Variants in SYT1 observed in about 807,000 individuals in gnomAD.
SYT1 encodes the protein synaptotagmin 1, also known as synaptotagmin-1.
A neutral mutation model predicts 44.8 loss-of-function variants in SYT1; 8 were observed. That is an observed-to-expected ratio of 0.18 (90% confidence interval 0.10 to 0.32). The LOEUF is 0.32. Among genes scored for constraint, SYT1 ranks in the 10% least tolerant of loss-of-function variants. The probability of loss-of-function intolerance (pLI) is 1.00; values close to 1 mark genes in which losing one functional copy is unlikely to be tolerated. For missense variants in SYT1, 286 were observed against 509.3 expected (o/e 0.56, Z 4.22); for synonymous variants, 154 against 188.8 (o/e 0.82, Z 1.51).
chr12:79,104,433 TA>T (rs1878603197), intron 3 of SYT1, among the ~76,000 whole-genome samples: 1 of 152,034 alleles, frequency 6.6e-6, no homozygotes, highest in Admixed American at 6.6e-5. Context: ...TACAAAATCC[TA>T]AGGCAATTTA....
In SYT1 at chr12:79,082,182, C is replaced by T. The variant is rs113513476; in HGVS notation, c.-18+34820C>T. Among the ~76,000 whole-genome samples, 306 of 152,130 alleles carry T rather than the reference C, an allele frequency of 2.0e-3. 4 individuals are homozygous for T. Among genetic ancestry groups the T allele is most frequent in the Middle Eastern group, 0.017 (5 of 294 alleles). The stretch of plus-strand genomic sequence containing the variant: ...CTTTCTTAGAGAGGAAGTTATATAG[C>T]CTTTTTTCAGAGTTTTGTCATTTTT... On this transcript the variant is annotated intron_variant, in intron 3 of 10. Coordinates refer to ENST00000261205, the MANE Select transcript of SYT1 (RefSeq NM_005639.3).
intron 2 of SYT1, among the ~76,000 whole-genome samples, chr12:79,019,094 T>G (rs1872007599): frequency 6.6e-6 from 1 of 151,990 alleles, no homozygotes; most frequent in East Asian, 1.9e-4. Context: ...ATCTTGTTTC[T>G]CTCCTTTATT....
chr12:79,329,025 C>T (rs1364908727), intron 8 of SYT1, among the ~76,000 whole-genome samples: 1 of 152,130 alleles, frequency 6.6e-6, no homozygotes, highest in Non-Finnish European at 1.5e-5. Context: ...TTCAACACAT[C>T]CCAGTTAGCA....
intron 2 of SYT1, among the ~76,000 whole-genome samples, chr12:79,025,345 G>A (rs767652717): frequency 1.3e-5 from 2 of 151,746 alleles, no homozygotes; most frequent in Non-Finnish European, 2.9e-5. Context: ...CAAAGCCAAA[G>A]CTATAATGAC....
rs534026090 is a variant in SYT1, at chr12:79,145,747, T to G, written c.-17-71756T>G. On this transcript the variant is annotated intron_variant, in intron 3 of 10. Coordinates refer to ENST00000261205, the MANE Select transcript of SYT1 (RefSeq NM_005639.3). ...GATTTAAACATAGTGGTTTTTTTTT[T>G]TTTTTGTTTGTTTGTTTGTTTGTTT... Among the ~76,000 whole-genome samples, 540 of 130,144 alleles carry G rather than the reference T, an allele frequency of 4.1e-3. 8 individuals carry two copies. Among genetic ancestry groups the G allele is most frequent in the African/African-American group, 0.016 (524 of 32,970 alleles). The allele number at this position is 130,144 out of a possible 152,430, so 85.4% of individuals were successfully genotyped here.
intron 4 of SYT1, among the ~76,000 whole-genome samples, chr12:79,278,980 C>T (rs1878893643): frequency 6.7e-6 from 1 of 149,098 alleles, no homozygotes; most frequent in African/African-American, 2.5e-5. Flanking sequence ...CTTGAACAGA[C>T]CAATAACAAG....
chr12:79,096,372 G>A (rs928531790), intron 3 of SYT1, among the ~76,000 whole-genome samples: 2 of 151,948 alleles, frequency 1.3e-5, no homozygotes, highest in African/African-American at 4.8e-5. Context: ...TGCCAAAGAG[G>A]TACACTCTGA....
intron 4 of SYT1, among the ~76,000 whole-genome samples, chr12:79,248,104 A>C (rs1255270123): frequency 6.6e-6 from 1 of 152,224 alleles, no homozygotes; most frequent in African/African-American, 2.4e-5. Context: ...CTTCCTTAGG[A>C]TGCCCCACAT....
chr12:79,226,899 C>T (rs947483266), intron 4 of SYT1, among the ~76,000 whole-genome samples: 1 of 152,098 alleles, frequency 6.6e-6, no homozygotes, highest in Non-Finnish European at 1.5e-5. Context: ...AAATCAAATT[C>T]CTTTAGGACT....
At chr12:79,206,621 A>T (rs1434200244) in intron 3 of SYT1, among the ~76,000 whole-genome samples, 2 of 152,218 alleles carry the variant, frequency 1.3e-5, no homozygotes, top group East Asian at 3.8e-4. Context: ...AGCTTCCATG[A>T]TGGGATCCCA....
At chr12:79,128,549 C>G (rs2138165839) in intron 3 of SYT1, among the ~76,000 whole-genome samples, 1 of 152,318 alleles carries the variant, frequency 6.6e-6, no homozygotes, top group African/African-American at 2.4e-5. Flanking sequence ...GCATGGTGCA[C>G]TCAAGTTGCA....
intron 3 of SYT1, among the ~76,000 whole-genome samples, chr12:79,197,329 G>A (rs1007129898): frequency 2.6e-5 from 4 of 152,092 alleles, no homozygotes; most frequent in African/African-American, 9.7e-5. Context: ...AAGTCATACG[G>A]AATTCTAGAT....
At chr12:79,202,093 AATAGG>A (rs920796452) in intron 3 of SYT1, among the ~76,000 whole-genome samples, 3 of 152,164 alleles carry the variant, frequency 2.0e-5, no homozygotes, top group Admixed American at 2.0e-4. Context: ...TTATCATGTA[AATAGG>A]ATAGTAGTTA....
intron 3 of SYT1, among the ~76,000 whole-genome samples, chr12:79,057,718 A>G (rs1411235641): frequency 1.3e-5 from 2 of 151,930 alleles, no homozygotes; most frequent in African/African-American, 4.8e-5. Context: ...GGGGTGTCCA[A>G]GGGAGAGAGT....
At chr12:79,240,824 T>A (rs1481901268) in intron 4 of SYT1, among the ~76,000 whole-genome samples, 1 of 152,220 alleles carries the variant, frequency 6.6e-6, no homozygotes, top group Non-Finnish European at 1.5e-5. Flanking sequence ...AAGGTGTTGA[T>A]ATTGTCTTTT....
At position 79,071,599 on chromosome 12, in the gene SYT1, A is replaced by G. The variant is rs183753357; in HGVS notation, c.-18+24237A>G. ...ATTCTCTCACAGTTCTGAAGACTAG[A>G]AATCCAAACTCAAGATGTCAGTCAG... On this transcript the variant is annotated intron_variant, in intron 3 of 10. Transcript: ENST00000261205. 4.7e-4 allele frequency among the ~76,000 whole-genome samples: 71 copies of G among 152,302 alleles called. 1 individual carries two copies. The highest frequency in any genetic ancestry group is 9.8e-4 in the Admixed American group (15 of 15,294).
chr12:79,446,013 A>ATATATATATATG (rs1870700127), intron 10 of SYT1, among the ~76,000 whole-genome samples: 1 of 125,902 alleles, frequency 7.9e-6, no homozygotes, highest in Non-Finnish European at 1.7e-5. Flanking sequence ...ATATATATAT[A>ATATATATATATG]TATATATATA....
In SYT1 at chr12:79,284,804, A is replaced by C. The variant is rs1879226112; in HGVS notation, c.167-983A>C. Among the ~76,000 whole-genome samples, 3 of 149,288 alleles carry C rather than the reference A, an allele frequency of 2.0e-5. No homozygotes were observed. The Admixed American group carries it at 2.0e-4, about 10-fold the overall frequency. On this transcript the variant is annotated intron_variant, in intron 4 of 10. Coordinates refer to ENST00000261205, the MANE Select transcript of SYT1 (RefSeq NM_005639.3). ...CAGTGAGCCGAGATCGTGCCACTAC[A>C]CTCCAGCCTGGCAAGAGAGCGAGAC...
chr12:79,085,974 G>A (rs1877351167), intron 3 of SYT1, among the ~76,000 whole-genome samples: 1 of 152,046 alleles, frequency 6.6e-6, no homozygotes. Context: ...CCCATAATAT[G>A]ATCACCAGGT....
Sources: gnomAD v4.1 joint callset for allele counts (sites outside exome capture counted in the v4.1 genomes callset) on GRCh38, gnomAD v4.1.1 for gene constraint, MANE v1.5 for transcripts, NCBI Gene and HGNC (gene_info 2026-07-23, HGNC 2026-07-21) for gene names.